RGS16: variants seen among roughly 807,000 people sequenced by gnomAD.
The protein encoded by RGS16 is regulator of G protein signaling 16, also known as hRGS-r.
Under a neutral mutation model 18.1 loss-of-function variants are expected in RGS16, and 12 were observed. The ratio of observed to expected loss-of-function variants is 0.66; its 90% CI spans 0.42 to 1.07. The LOEUF (loss-of-function observed/expected upper bound fraction) is 1.07. Ranked by LOEUF, RGS16 falls within the 50% of genes least tolerant of loss-of-function variation. RGS16 has a pLI of 0.00. For synonymous variants in RGS16, 88 were observed against 102.0 expected, an observed-to-expected ratio of 0.86 and a Z score of 0.83; for missense variants, 238 against 249.2, an observed-to-expected ratio of 0.95 and a Z score of 0.30.
rs1349091379 is a variant in RGS16, at chr1:182,598,901, A to G, written c.*1391T>C. The G allele has an allele frequency of 6.6e-6, 1 of 152,656 alleles. No individual in the cohort carries two copies. The highest frequency in any genetic ancestry group is 1.5e-5 in the Non-Finnish European group (1 of 68,050). The allele number at this position is 152,656 out of a possible 1,614,324, so 9.5% of individuals were successfully genotyped here. A position where few individuals can be genotyped will look rare whatever the true frequency, so the allele number is the denominator to read the frequency against. ...ATAATAAATAACAACAGCACCAACA[A>G]TAACAAAAACAATGTTATGACAATC... On this transcript the variant is annotated 3_prime_UTR_variant, in exon 5 of 5. Coordinates refer to ENST00000367558, the MANE Select transcript of RGS16 (RefSeq NM_002928.4).
chr1:182,602,767 C>T (rs1661887085), intron 2 of RGS16, among the ~76,000 whole-genome samples: 1 of 152,204 alleles, frequency 6.6e-6, no homozygotes, highest in South Asian at 2.1e-4. Flanking sequence ...TATTTCAATT[C>T]CCCTGACTCT....
intron 3 of RGS16, 134 bp from the exon 4 acceptor site, chr1:182,602,266 A>G (rs1394168219): frequency 8.9e-7 from 1 of 1,129,058 alleles, no homozygotes; most frequent in Non-Finnish European, 1.3e-6. Context: ...CTGCCTTTAT[A>G]TGTTGAATAG....
In RGS16 at chr1:182,598,741, T is replaced by C. The variant is rs1364265797; in HGVS notation, c.*1551A>G. On this transcript the variant is annotated 3_prime_UTR_variant, in exon 5 of 5. Transcript: ENST00000367558. The stretch of plus-strand genomic sequence containing the variant: ...CTCCATTTGTCACAATAAATAAATA[T>C]TTAAACAGTGAGGAGTTCCTGACAG... 2 of 152,550 alleles carry C rather than the reference T, an allele frequency of 1.3e-5. No individual in the cohort carries two copies. Among genetic ancestry groups the C allele is most frequent in the Non-Finnish European group, 2.9e-5 (2 of 68,030 alleles). 9.4% of individuals were successfully genotyped at this position (152,550 alleles called of 1,614,324 possible).
chr1:182,604,077 TG>T, intron 1 of RGS16, 138 bp downstream of exon 1: 1 of 773,072 alleles, frequency 1.3e-6, no homozygotes, highest in Non-Finnish European at 2.1e-6. Context: ...TCTGAGCACG[TG>T]GCATCAAGTG....
In RGS16 at chr1:182,600,379, C is replaced by A; in HGVS notation, c.522G>T (p.Ser174=). 6 of 1,613,938 alleles carry A rather than the reference C, an allele frequency of 3.7e-6. No individual in the cohort carries two copies. The highest frequency in any genetic ancestry group is 2.2e-5 in the East Asian group (1 of 44,848). ...GGGCAGCCAGGTCCCGGTAAGCAGG[C>A]GACTTCAGGAAGCGTGGGTAGGAGT... ...EKDSYPRFLK[S]PAYRDLAAQA... Residue 174 remains serine, a synonymous_variant, in exon 5 of 5, where the codon TCG becomes TCT. Coordinates refer to ENST00000367558, the MANE Select transcript of RGS16 (RefSeq NM_002928.4).
Position 182,599,718 on chromosome 1 carries a change from A to G in RGS16, c.*574T>C. On this transcript the variant is annotated 3_prime_UTR_variant, in exon 5 of 5. Transcript: ENST00000367558. ...CCTTGACATGACTGCAAGGCTGGAC[A>G]GACACACAGGAGTGTTACGAGGTAC... The G allele has an allele frequency of 6.4e-6, 1 of 156,348 alleles. No individual in the cohort carries two copies. The allele number at this position is 156,348 out of a possible 1,614,324, so 9.7% of individuals were successfully genotyped here.
In RGS16 at chr1:182,600,498, C is replaced by G; in HGVS notation, c.403G>C (p.Glu135Gln). The G allele has an allele frequency of 3.7e-6, 6 of 1,613,834 alleles. No individual in the cohort carries two copies. The highest frequency in any genetic ancestry group is 5.1e-6 in the Non-Finnish European group (6 of 1,179,860). Residue 135 changes from glutamate (E) to glutamine (Q), a missense_variant, in exon 5 of 5, where the codon GAG (glutamate) becomes CAG (glutamine). Coordinates refer to ENST00000367558, the MANE Select transcript of RGS16 (RefSeq NM_002928.4). The stretch of plus-strand genomic sequence containing the variant: ...TTCATCCTCGTCAGCTCGTGGGTCT[C>G]ATGGTCAATGTTGACCTGCGGGAAG... ...EAPKEVNIDH[E>Q]THELTRMNLQ...
rs1661919628 is a variant in RGS16, at chr1:182,604,370, G to A, written c.-111C>T. ...TAGCAGGTGCTAGTCAACTGCGGTT[G>A]GGTTTAGCAGCCTGCAAGCGCCCAG... On this transcript the variant is annotated 5_prime_UTR_variant, in exon 1 of 5. Transcript: ENST00000367558. 14 of 1,075,308 alleles carry A rather than the reference G, an allele frequency of 1.3e-5. No homozygotes were observed. The highest frequency in any genetic ancestry group is 1.7e-5 in the Non-Finnish European group (13 of 766,402). 66.6% of individuals were successfully genotyped at this position (1,075,308 alleles called of 1,614,324 possible).
At position 182,603,308 on chromosome 1, in the gene RGS16, A is replaced by G. The variant is rs1211902270; in HGVS notation, c.76T>C (p.Phe26Leu). 6.2e-7 allele frequency: 1 copy of G among 1,614,172 alleles called. No individual in the cohort carries two copies. The highest frequency in any genetic ancestry group is 1.7e-5 in the Admixed American group (1 of 60,024). Residue 26 changes from phenylalanine (F) to leucine (L), a missense_variant, in exon 2 of 5, where the codon TTT (phenylalanine) becomes CTT (leucine). By Grantham distance (22) the Phe-to-Leu change is conservative. Transcript: ENST00000367558. ...AKEFKTRLGIFLHKSELGCDT... is the reference protein window; with the variant it reads ...AKEFKTRLGILLHKSELGCDT... ...CAGCCCAGCTCTGATTTGTGAAGAA[A>G]GATCCCCAGACGTGTCTTGAACTCT...
At chr1:182,604,095 T>C (rs941547325) in intron 1 of RGS16, 121 bp downstream of exon 1, 12 of 991,148 alleles carry the variant, frequency 1.2e-5, no homozygotes, top group African/African-American at 1.6e-5. Context: ...AGTGCGCTTC[T>C]ACCTCTCTAC....
chr1:182,599,894 G>A lies in RGS16; in HGVS notation c.*398C>T, dbSNP rs980992047. 2 of 211,106 alleles carry A rather than the reference G, an allele frequency of 9.5e-6. No individual in the cohort carries two copies. Among genetic ancestry groups the A allele is most frequent in the African/African-American group, 4.7e-5 (2 of 42,788 alleles). The allele number at this position is 211,106 out of a possible 1,614,324, so 13.1% of individuals were successfully genotyped here. On this transcript the variant is annotated 3_prime_UTR_variant, in exon 5 of 5. Transcript: ENST00000367558. Reference sequence around the variant, plus strand: ...CAACTGAGCAACAGGCAAAACAGCTGATCTGGATGTCTTTCCTCCTCTCAT... The same window carrying A: ...CAACTGAGCAACAGGCAAAACAGCTAATCTGGATGTCTTTCCTCCTCTCAT...
At position 182,602,134 on chromosome 1, in the gene RGS16, TGGG is replaced by T. The variant is rs756227738; in HGVS notation, c.221-5_221-3del. On this transcript the variant is annotated splice_polypyrimidine_tract_variant and splice_region_variant and intron_variant, in intron 3 of 4. Transcript: ENST00000367558. ...AAGCGTGGAAGGCAGCCACTCCATCTGGGGTTGCGGGAAAGAAGAGGAAATAGG... is the reference window on the plus strand; with the variant it reads ...AAGCGTGGAAGGCAGCCACTCCATCTGTTGCGGGAAAGAAGAGGAAATAGG... The T allele has an allele frequency of 5.6e-6, 9 of 1,614,046 alleles. No individual in the cohort carries two copies. The highest frequency in any genetic ancestry group is 7.6e-6 in the Non-Finnish European group (9 of 1,179,940).
chr1:182,600,114 T>G lies in RGS16; in HGVS notation c.*178A>C. 1 of 611,004 alleles carries G rather than the reference T, an allele frequency of 1.6e-6. No individual in the cohort carries two copies. The highest frequency in any genetic ancestry group is 2.0e-5 in the South Asian group (1 of 49,124). 37.8% of individuals were successfully genotyped at this position (611,004 alleles called of 1,614,324 possible). On this transcript the variant is annotated 3_prime_UTR_variant, in exon 5 of 5. Coordinates refer to ENST00000367558, the MANE Select transcript of RGS16 (RefSeq NM_002928.4). ...TCTCCAGCATGAGTCCCACAGTATC[T>G]GAAGGAGAGACTGCTGCTTCCCAAA... is the stretch of plus-strand genomic sequence containing the variant.
In RGS16 at chr1:182,600,440, G is replaced by A. The variant is rs776142950; in HGVS notation, c.461C>T (p.Ala154Val). 5 of 1,614,018 alleles carry A rather than the reference G, an allele frequency of 3.1e-6. No individual in the cohort carries two copies. Among genetic ancestry groups the A allele is most frequent in the Non-Finnish European group, 3.4e-6 (4 of 1,179,974 alleles). ...LQTATATCFD[A>V]AQGKTRTLME... ...CAGGGTACGTGTCTTCCCCTGAGCCGCATCAAAGCATGTGGCTGTGGCAGT... is the reference window on the plus strand; with the variant it reads ...CAGGGTACGTGTCTTCCCCTGAGCCACATCAAAGCATGTGGCTGTGGCAGT... Residue 154 changes from alanine to valine, a missense_variant, in exon 5 of 5, where the codon GCG becomes GTG. Transcript: ENST00000367558.
intron 4 of RGS16, 79 bp downstream of exon 4, chr1:182,601,887 C>G: frequency 6.4e-7 from 1 of 1,552,822 alleles, no homozygotes; most frequent in Non-Finnish European, 8.9e-7. Context: ...CTAGCCCTTC[C>G]TCCCCTCTAG....
Position 182,600,023 on chromosome 1 carries a change from C to A in RGS16, c.*269G>T. ...CTAACCCCCATACCACCTTTTTGCCCCACAGAGAGCCCCACCAACCCTCAT... is the reference window on the plus strand; with the variant it reads ...CTAACCCCCATACCACCTTTTTGCCACACAGAGAGCCCCACCAACCCTCAT... On this transcript the variant is annotated 3_prime_UTR_variant, in exon 5 of 5. Transcript: ENST00000367558. The A allele has an allele frequency of 2.0e-6, 1 of 510,300 alleles. No homozygotes were observed. Among genetic ancestry groups the A allele is most frequent in the Non-Finnish European group, 3.5e-6 (1 of 284,262 alleles). 31.6% of individuals were successfully genotyped at this position (510,300 alleles called of 1,614,324 possible).
chr1:182,603,114 G>A (rs1466236730), intron 2 of RGS16, 115 bp downstream of exon 2: 12 of 765,756 alleles, frequency 1.6e-5, no homozygotes, highest in Non-Finnish European at 2.8e-5. Flanking sequence ...AATCTCTAGG[G>A]AGGTGTTGCC....
intron 4 of RGS16, among the ~76,000 whole-genome samples, chr1:182,600,916 G>A (rs1217969946): frequency 6.6e-6 from 1 of 152,146 alleles, no homozygotes; most frequent in African/African-American, 2.4e-5. Context: ...ACCCAACTCA[G>A]TTTGGTAGCT....
rs1200836561 is a variant in RGS16 at position 182,604,270 on chromosome 1, G to T, written c.-11C>A. On this transcript the variant is annotated 5_prime_UTR_variant, in exon 1 of 5. Coordinates refer to ENST00000367558, the MANE Select transcript of RGS16 (RefSeq NM_002928.4). ...CAGGGTGCGGCACATGGCTGCGGGC[G>T]CAGGGCAGCACGTAGTAGGCAGGAT... 1.4e-5 allele frequency: 21 copies of T among 1,549,302 alleles called. No homozygotes were observed. Among genetic ancestry groups the T allele is most frequent in the South Asian group, 2.4e-5 (2 of 83,908 alleles).
Sources: allele counts gnomAD v4.1 joint callset (sites outside exome capture counted in the v4.1 genomes callset), GRCh38; gene constraint gnomAD v4.1.1; transcripts MANE v1.5; gene names NCBI Gene and HGNC (gene_info 2026-07-23, HGNC 2026-07-21).